The following TSPEAR variants were observed in gnomAD, a reference collection of about 807,000 sequenced individuals.
TSPEAR encodes thrombospondin-type laminin G domain and EAR repeat-containing protein.
A neutral mutation model predicts 71.6 loss-of-function variants in TSPEAR; 69 were observed. The ratio of observed to expected loss-of-function variants is 0.96; its 90% CI spans 0.79 to 1.18. The LOEUF (loss-of-function observed/expected upper bound fraction) is 1.18. Ranked by LOEUF, TSPEAR falls within the 50% of genes most tolerant of loss-of-function variation. The pLI is 0.00. For synonymous variants in TSPEAR, 402 were observed against 387.2 expected (o/e 1.04, Z -0.45); for missense variants, 971 against 894.9 (o/e 1.09, Z -1.09).
rs1055686870 is a variant in TSPEAR at position 44,549,000 on chromosome 21, G to A, written c.304-15077C>T. On this transcript the variant is annotated intron_variant, in intron 2 of 11. Coordinates refer to ENST00000323084, the MANE Select transcript of TSPEAR (RefSeq NM_144991.3). ...TTTAGCAAAGCAAATTTATCTTTGC[G>A]CAGAGAAGTGCCTCTCACGTGGCCG... Among the ~76,000 whole-genome samples, 14 of 152,350 alleles carry A rather than the reference G, an allele frequency of 9.2e-5. No homozygotes were observed. In the South Asian group the frequency reaches 1.4e-3, roughly 16 times the overall value.
At chr21:44,640,064 G>A (rs1162583848) in intron 1 of TSPEAR, among the ~76,000 whole-genome samples, 2 of 152,186 alleles carry the variant, frequency 1.3e-5, no homozygotes, top group Non-Finnish European at 2.9e-5. Context: ...TGAAACAAAC[G>A]TCCACACACA....
At chr21:44,570,219 T>C (rs1485997737) in intron 1 of TSPEAR, among the ~76,000 whole-genome samples, 1 of 152,128 alleles carries the variant, frequency 6.6e-6, no homozygotes, top group Non-Finnish European at 1.5e-5. Flanking sequence ...CGCTGGGCTT[T>C]GGCAATCAGG....
chr21:44,654,659 T>A, intron 1 of TSPEAR: 1 of 1,335,544 alleles, frequency 7.5e-7, no homozygotes, highest in Non-Finnish European at 1.0e-6. Flanking sequence ...AGGGCTGGTC[T>A]GGAGCCTGCT....
At chr21:44,681,602 A>G (rs782462706) in intron 1 of TSPEAR, 5 of 507,194 alleles carry the variant, frequency 9.9e-6, no homozygotes, top group East Asian at 3.0e-5. Context: ...GGTTTATTTG[A>G]CTCTCATGGG....
chr21:44,591,883 G>A lies in TSPEAR; in HGVS notation c.83-23878C>T, dbSNP rs199511488. On this transcript the variant is annotated intron_variant, in intron 1 of 11. Transcript: ENST00000323084. ...GCAGCATGAGGGTGTGCAGGAGCTG[G>A]TGCAGCCTGATTGGCAGGGGCTGGG... is the stretch of plus-strand genomic sequence containing the variant. 838 of 1,593,172 alleles carry A rather than the reference G, an allele frequency of 5.3e-4. 3 individuals are homozygous for A. Among genetic ancestry groups the A allele is most frequent in the South Asian group, 7.6e-4 (69 of 90,626 alleles).
rs372467407 is a variant in TSPEAR at position 44,574,331 on chromosome 21, T to C, written c.83-6326A>G. 4.1e-4 allele frequency: 652 copies of C among 1,603,476 alleles called. No individual in the cohort carries two copies. Among genetic ancestry groups the C allele is most frequent in the Non-Finnish European group, 5.2e-4 (616 of 1,176,484 alleles). On this transcript the variant is annotated intron_variant, in intron 1 of 11. Transcript: ENST00000323084. ...CCAGCCCCTGCTGCCAGGCGGTCTG[T>C]GAGCCCAGCCCCTGCCAATCAGGCT...
intron 1 of TSPEAR, chr21:44,658,334 C>T (rs1985291657): frequency 2.0e-6 from 3 of 1,493,736 alleles, no homozygotes; most frequent in Admixed American, 1.8e-5. Context: ...ATCTGGTGGA[C>T]CCCCAGATTG....
intron 1 of TSPEAR, among the ~76,000 whole-genome samples, chr21:44,618,086 A>C (rs1370305361): frequency 6.6e-6 from 1 of 152,202 alleles, no homozygotes. Context: ...ATATGGTTGG[A>C]CTTTTTGTCC....
At chr21:44,708,640 C>T (rs1490597449) in intron 1 of TSPEAR, among the ~76,000 whole-genome samples, 1 of 152,220 alleles carries the variant, frequency 6.6e-6, no homozygotes, top group African/African-American at 2.4e-5. Context: ...CGTCCCCAGG[C>T]CCAGAGACCT....
intron 2 of TSPEAR, among the ~76,000 whole-genome samples, chr21:44,537,334 A>G (rs2145995637): frequency 6.6e-6 from 1 of 152,374 alleles, no homozygotes; most frequent in East Asian, 1.9e-4. Context: ...TCTAAAATTA[A>G]TTGAGAACAA....
intron 9 of TSPEAR, among the ~76,000 whole-genome samples, chr21:44,513,411 T>G (rs1006748067): frequency 6.6e-6 from 1 of 152,168 alleles, no homozygotes; most frequent in African/African-American, 2.4e-5. Flanking sequence ...TAGGGACTCA[T>G]AGAGGAGAGA....
intron 1 of TSPEAR, among the ~76,000 whole-genome samples, chr21:44,693,264 A>G (rs930054529): frequency 1.2e-4 from 19 of 152,300 alleles, no homozygotes; most frequent in Non-Finnish European, 2.1e-4. Flanking sequence ...TCTTAGGAGA[A>G]AAGATGGGAA....
intron 1 of TSPEAR, among the ~76,000 whole-genome samples, chr21:44,675,358 T>C (rs1305749298): frequency 6.6e-6 from 1 of 152,174 alleles, no homozygotes; most frequent in East Asian, 1.9e-4. Context: ...AGAAAAAGCA[T>C]TTGACAAAAT....
Position 44,698,513 on chromosome 21 carries a change from G to T in TSPEAR, c.82+12920C>A, listed in dbSNP as rs545114680. Among the ~76,000 whole-genome samples the T allele has an allele frequency of 4.7e-4, 71 of 152,344 alleles. 1 individual carries two copies. The highest frequency in any genetic ancestry group is 1.6e-3 in the African/African-American group (67 of 41,582). ...CCAGCAGGCAAGTCCGTCTCCCAGG[G>T]CCCTGATGGGCGAGTGTCAGAGGTG... On this transcript the variant is annotated intron_variant, in intron 1 of 11. Transcript: ENST00000323084.
At chr21:44,511,580 C>A (rs7276383) in intron 9 of TSPEAR, among the ~76,000 whole-genome samples, 7,243 of 151,958 alleles carry the variant, frequency 0.048, 564 homozygotes, top group African/African-American at 0.16. Flanking sequence ...GCAGGCACAC[C>A]CATGCATCCG....
intron 1 of TSPEAR, chr21:44,681,802 C>T (rs1555947999): frequency 1.3e-6 from 2 of 1,585,142 alleles, no homozygotes; most frequent in Middle Eastern, 1.7e-4. Flanking sequence ...GCCTCATCTG[C>T]ACTGGGAGCA....
chr21:44,498,175 C>CA lies in TSPEAR; in HGVS notation c.*1607_*1608insT, dbSNP rs1230349689. ...AGCCACTAGTGGAGATGCTGACCCT[C>CA]TCATCTGCAGCTGTCTGCTTAGGGC... is the stretch of plus-strand genomic sequence containing the variant. On this transcript the variant is annotated 3_prime_UTR_variant, in exon 12 of 12. Transcript: ENST00000323084. The CA allele has an allele frequency of 6.6e-6, 1 of 152,290 alleles. No individual in the cohort carries two copies. Among genetic ancestry groups the CA allele is most frequent in the Non-Finnish European group, 1.5e-5 (1 of 68,068 alleles). The allele number at this position is 152,290 out of a possible 1,614,324, so 9.4% of individuals were successfully genotyped here.
In TSPEAR at chr21:44,623,017, TCC is replaced by T. The variant is rs1569224951; in HGVS notation, c.83-55014_83-55013del. 6.6e-6 allele frequency among the ~76,000 whole-genome samples: 1 copy of T among 152,012 alleles called. No individual in the cohort carries two copies. The highest frequency in any genetic ancestry group is 1.5e-5 in the Non-Finnish European group (1 of 67,998). ...CTCTTTTGCCATGTGACATGCCCAC[TCC>T]CCCTTCACCTTCCACCATGAGCAAA... On this transcript the variant is annotated intron_variant, in intron 1 of 11. Coordinates refer to ENST00000323084, the MANE Select transcript of TSPEAR (RefSeq NM_144991.3). The surrounding 1 kb of genome is among the most constrained non-coding windows in gnomAD (Gnocchi z 4.5).
intron 2 of TSPEAR, among the ~76,000 whole-genome samples, chr21:44,549,306 G>T (rs1235236788): frequency 6.6e-6 from 1 of 152,158 alleles, no homozygotes; most frequent in East Asian, 1.9e-4. Context: ...TACTGGGAAT[G>T]AAACACTAAA....
Sources: gnomAD v4.1 joint callset for allele counts (sites outside exome capture counted in the v4.1 genomes callset) on GRCh38, gnomAD v4.1.1 for gene constraint, Gnocchi (gnomAD v3.1) non-coding constraint, MANE v1.5 for transcripts, NCBI Gene and HGNC (gene_info 2026-07-23, HGNC 2026-07-21) for gene names.